ATXN1: variants seen among roughly 807,000 people sequenced by gnomAD.
ATXN1 encodes ataxin-1.
Under a neutral mutation model 56.4 loss-of-function variants are expected in ATXN1, and 8 were observed. The ratio of observed to expected loss-of-function variants is 0.14; its 90% CI spans 0.08 to 0.26. The LOEUF is 0.26. Among genes scored for constraint, ATXN1 ranks in the 10% least tolerant of loss-of-function variants. The probability of loss-of-function intolerance (pLI) is 1.00; values close to 1 mark genes in which losing one functional copy is unlikely to be tolerated. For synonymous variants in ATXN1, 514 were observed against 494.6 expected, an observed-to-expected ratio of 1.04 and a Z score of -0.52; for missense variants, 987 against 1,106.5, an observed-to-expected ratio of 0.89 and a Z score of 1.53.
intron 6 of ATXN1, among the ~76,000 whole-genome samples, chr6:16,346,624 CT>C (rs1031500206): frequency 1.3e-5 from 2 of 152,348 alleles, no homozygotes; most frequent in African/African-American, 2.4e-5. Context: ...TAACTCGTGA[CT>C]TTAGGAAAGT....
At chr6:16,689,510 CTTTTTTTTTTCT>C (rs1561809597) in intron 2 of ATXN1, among the ~76,000 whole-genome samples, 2 of 126,926 alleles carry the variant, frequency 1.6e-5, no homozygotes, top group Non-Finnish European at 3.4e-5. Flanking sequence ...CTTTTTTTTT[CTTTTTTTTTTCT>C]TTTTTTTTTT....
intron 7 of ATXN1, among the ~76,000 whole-genome samples, chr6:16,324,992 T>G (rs1243992267): frequency 6.6e-6 from 1 of 152,180 alleles, no homozygotes; most frequent in African/African-American, 2.4e-5. Flanking sequence ...GACTTTTATA[T>G]GCAAACCAAC....
intron 6 of ATXN1, among the ~76,000 whole-genome samples, chr6:16,408,770 G>A (rs1030583675): frequency 2.0e-5 from 3 of 152,164 alleles, no homozygotes; most frequent in Middle Eastern, 3.2e-3. Flanking sequence ...TTAGAGTTGA[G>A]GTCTCTGTCA....
At chr6:16,438,821 T>C (rs2143454) in intron 6 of ATXN1, among the ~76,000 whole-genome samples, 45,965 of 151,914 alleles carry the variant, frequency 0.3, 7,791 homozygotes, top group Middle Eastern at 0.47. Flanking sequence ...AAAAATAAGG[T>C]AGTGGCTCTG....
chr6:16,346,999 T>C (rs1761417773), intron 6 of ATXN1, among the ~76,000 whole-genome samples: 1 of 152,216 alleles, frequency 6.6e-6, no homozygotes, highest in Non-Finnish European at 1.5e-5. Context: ...CCGCCGGCCC[T>C]AGGGCAGTGA....
chr6:16,694,254 T>TC (rs1353699019), intron 2 of ATXN1, among the ~76,000 whole-genome samples: 2 of 121,198 alleles, frequency 1.7e-5, no homozygotes, highest in Admixed American at 8.1e-5. Flanking sequence ...TTTTTTTTCT[T>TC]TTTTTTTTTT....
intron 5 of ATXN1, among the ~76,000 whole-genome samples, chr6:16,499,082 T>A (rs1360277278): frequency 2.0e-5 from 3 of 152,194 alleles, no homozygotes; most frequent in African/African-American, 7.2e-5. Context: ...GCCAAATCCA[T>A]GGTCATGAAG....
intron 6 of ATXN1, among the ~76,000 whole-genome samples, chr6:16,334,963 G>A (rs1414453919): frequency 6.6e-6 from 1 of 152,174 alleles, no homozygotes; most frequent in Non-Finnish European, 1.5e-5. Flanking sequence ...AATGAGAATG[G>A]TTAAAAATGG....
chr6:16,420,240 G>A (rs2237212), intron 6 of ATXN1, among the ~76,000 whole-genome samples: 114,483 of 152,082 alleles, frequency 0.75, 43,459 homozygotes, highest in East Asian at 0.92. Context: ...CCCGGTATGA[G>A]GGCAGCTAGA....
chr6:16,549,727 G>A (rs185672985), intron 4 of ATXN1, among the ~76,000 whole-genome samples: 19 of 151,932 alleles, frequency 1.3e-4, no homozygotes, highest in East Asian at 1.9e-4. Flanking sequence ...GTGAAACCCC[G>A]TCTCTACTAA....
intron 6 of ATXN1, among the ~76,000 whole-genome samples, chr6:16,358,170 A>G (rs183191790): frequency 2.6e-5 from 4 of 152,324 alleles, no homozygotes; most frequent in Non-Finnish European, 5.9e-5. Context: ...ATAGATATTG[A>G]TGGGGATGTG....
intron 2 of ATXN1, among the ~76,000 whole-genome samples, chr6:16,740,305 G>A (rs1324790717): frequency 6.6e-6 from 1 of 152,174 alleles, no homozygotes; most frequent in Non-Finnish European, 1.5e-5. Context: ...GTAACTCATG[G>A]TTTTTGCAGA....
At chr6:16,380,601 C>G (rs1488843205) in intron 6 of ATXN1, among the ~76,000 whole-genome samples, 2 of 151,960 alleles carry the variant, frequency 1.3e-5, no homozygotes, top group African/African-American at 2.4e-5. Flanking sequence ...GGTGTAGAAG[C>G]CTGTCTGGCT....
chr6:16,352,290 A>G (rs1325798395), intron 6 of ATXN1, among the ~76,000 whole-genome samples: 1 of 152,200 alleles, frequency 6.6e-6, no homozygotes, highest in Non-Finnish European at 1.5e-5. Flanking sequence ...GAAAATATAC[A>G]AAGAACTTCA....
chr6:16,386,678 T>G (rs1327915995), intron 6 of ATXN1, among the ~76,000 whole-genome samples: 3 of 151,982 alleles, frequency 2.0e-5, no homozygotes, highest in African/African-American at 7.3e-5. Flanking sequence ...GGACCTTGTG[T>G]AAAGAGTATA....
chr6:16,639,997 G>A (rs1397679310), intron 3 of ATXN1, among the ~76,000 whole-genome samples: 1 of 152,072 alleles, frequency 6.6e-6, no homozygotes, highest in Non-Finnish European at 1.5e-5. Context: ...GGACACATCA[G>A]TTGAAAGATG....
chr6:16,344,269 C>A (rs1226136372), intron 6 of ATXN1, among the ~76,000 whole-genome samples: 1 of 152,224 alleles, frequency 6.6e-6, no homozygotes, highest in Admixed American at 6.5e-5. Context: ...CACCAGCCAC[C>A]CCCGCATGCC....
intron 6 of ATXN1, among the ~76,000 whole-genome samples, chr6:16,347,013 G>A (rs1301268815): frequency 6.6e-6 from 1 of 152,258 alleles, no homozygotes; most frequent in Admixed American, 6.5e-5. Context: ...GCAGTGAGGG[G>A]CTTAGCAGTT....
At chr6:16,361,354 T>C (rs1489746208) in intron 6 of ATXN1, among the ~76,000 whole-genome samples, 2 of 152,220 alleles carry the variant, frequency 1.3e-5, no homozygotes, top group Non-Finnish European at 1.5e-5. Context: ...TTGGTATTCA[T>C]TATTTTCGTT....
Sources: gnomAD v4.1 joint callset for allele counts (sites outside exome capture counted in the v4.1 genomes callset) on GRCh38, gnomAD v4.1.1 for gene constraint, MANE v1.5 for transcripts, NCBI Gene and HGNC (gene_info 2026-07-23, HGNC 2026-07-21) for gene names.